TRABD2B: variants seen among roughly 807,000 people sequenced by gnomAD.
TRABD2B encodes the protein metalloprotease TIKI2.
Under a neutral mutation model 40.1 loss-of-function variants are expected in TRABD2B, and 14 were observed. The observed-to-expected ratio is 0.35, with a 90% CI of 0.23 to 0.55. The LOEUF (loss-of-function observed/expected upper bound fraction) is 0.55, where lower values mean the gene tolerates loss of function less well. Ranked by LOEUF, TRABD2B falls within the 20% of genes least tolerant of loss-of-function variation. The pLI, the probability that TRABD2B is intolerant of heterozygous loss-of-function variation, is 0.90. For missense variants in TRABD2B, 541 were observed against 648.6 expected (o/e 0.83, Z 1.80); for synonymous variants, 263 against 277.0 (o/e 0.95, Z 0.50).
At chr1:47,931,624 G>A (rs1041531705) in intron 2 of TRABD2B, among the ~76,000 whole-genome samples, 2 of 152,156 alleles carry the variant, frequency 1.3e-5, no homozygotes, top group Non-Finnish European at 2.9e-5. Flanking sequence ...CACGTGGGGA[G>A]GGCAAGTATC....
intron 2 of TRABD2B, among the ~76,000 whole-genome samples, chr1:47,974,170 G>C (rs2148428962): frequency 6.6e-6 from 1 of 152,210 alleles, no homozygotes; most frequent in Non-Finnish European, 1.5e-5. Flanking sequence ...TCCACTGTTG[G>C]AATAAAATCC....
rs1646095233 is a variant in TRABD2B, at chr1:47,996,568, C to T, written c.102+120G>A. The T allele has an allele frequency of 1.8e-6, 2 of 1,125,508 alleles. No homozygotes were observed. Among genetic ancestry groups the T allele is most frequent in the Non-Finnish European group, 2.2e-6 (2 of 906,636 alleles). The allele number at this position is 1,125,508 out of a possible 1,614,324, so 69.7% of individuals were successfully genotyped here. ...AAGGAAGGGCGCCCGAGGCTGCGCC[C>T]GGGGGGTGGAGGTGGAGCGGGCGGG... is the stretch of plus-strand genomic sequence containing the variant. On this transcript the variant is annotated intron_variant, in intron 1 of 6. Coordinates refer to ENST00000606738, the MANE Select transcript of TRABD2B (RefSeq NM_001194986.2). The surrounding 1 kb of genome is among the most constrained non-coding windows in gnomAD (Gnocchi z 4.6).
Position 47,905,037 on chromosome 1 carries a change from G to T in TRABD2B, c.666+88997C>A, listed in dbSNP as rs552394128. ...GTGGAGGAAACAAAGGTAGACACAG[G>T]CTGAGCCTGCTTTCAGGGAGCTCAT... On this transcript the variant is annotated intron_variant, in intron 2 of 6. Transcript: ENST00000606738. Among the ~76,000 whole-genome samples, 3 of 152,260 alleles carry T rather than the reference G, an allele frequency of 2.0e-5. No individual in the cohort carries two copies. The East Asian group carries it at 5.8e-4, about 30-fold the overall frequency.
chr1:47,930,337 T>C (rs1036286850), intron 2 of TRABD2B, among the ~76,000 whole-genome samples: 14 of 152,188 alleles, frequency 9.2e-5, no homozygotes, highest in Non-Finnish European at 1.9e-4. Flanking sequence ...AGCCTCTTCC[T>C]GAGGGGTGTT....
intron 3 of TRABD2B, 136 bp from the exon 4 acceptor site, chr1:47,794,896 T>C: frequency 1.3e-6 from 1 of 784,952 alleles, no homozygotes. Context: ...TCCTCCTGCC[T>C]CAGCCTCCCA....
At chr1:47,965,988 G>GC (rs1015979291) in intron 2 of TRABD2B, among the ~76,000 whole-genome samples, 2 of 152,092 alleles carry the variant, frequency 1.3e-5, no homozygotes, top group Non-Finnish European at 1.5e-5. Flanking sequence ...CAAACAAAAA[G>GC]CCCCAGCTGC....
intron 2 of TRABD2B, among the ~76,000 whole-genome samples, chr1:47,822,658 C>G (rs534913376): frequency 6.6e-6 from 1 of 152,342 alleles, no homozygotes; most frequent in East Asian, 1.9e-4. Context: ...TTGTTAATAA[C>G]TCTTTTAATC....
At chr1:47,792,909 G>A (rs980264489) in intron 4 of TRABD2B, among the ~76,000 whole-genome samples, 1 of 152,220 alleles carries the variant, frequency 6.6e-6, no homozygotes, top group Admixed American at 6.5e-5. Flanking sequence ...TCTACTGGGG[G>A]CTGTTCCAGA....
In TRABD2B at chr1:47,978,376, A is replaced by C. The variant is rs1005636937; in HGVS notation, c.666+15658T>G. Reference sequence around the variant, plus strand: ...CTAGCTTATGGTATTTCGTTATAGCAACATGAACAGACTAAGACAACTATC... The same window carrying C: ...CTAGCTTATGGTATTTCGTTATAGCCACATGAACAGACTAAGACAACTATC... On this transcript the variant is annotated intron_variant, in intron 2 of 6. Transcript: ENST00000606738. 5.3e-5 allele frequency among the ~76,000 whole-genome samples: 8 copies of C among 152,240 alleles called. No homozygotes were observed. In the East Asian group the frequency reaches 1.3e-3, roughly 26 times the overall value.
chr1:47,990,780 T>C (rs1282012468), intron 2 of TRABD2B, among the ~76,000 whole-genome samples: 5 of 4,846 alleles, frequency 1.0e-3, no homozygotes, highest in Admixed American at 2.0e-3. Context: ...TTTATATATA[T>C]ATATATATAT....
At chr1:47,957,651 T>C (rs191222236) in intron 2 of TRABD2B, among the ~76,000 whole-genome samples, 339 of 151,608 alleles carry the variant, frequency 2.2e-3, no homozygotes, top group Non-Finnish European at 3.3e-3. Flanking sequence ...AAGTGAGAAG[T>C]TTAGAGAAAA....
At chr1:47,961,554 A>G (rs918428263) in intron 2 of TRABD2B, among the ~76,000 whole-genome samples, 4 of 152,246 alleles carry the variant, frequency 2.6e-5, no homozygotes, top group Non-Finnish European at 5.9e-5. Context: ...TGGGCAAAGG[A>G]TATGAGCAGA....
chr1:47,789,290 C>T (rs1346340022), intron 4 of TRABD2B, among the ~76,000 whole-genome samples: 12 of 152,122 alleles, frequency 7.9e-5, no homozygotes, highest in African/African-American at 2.9e-4. Context: ...ATCTTACACC[C>T]GTGACTTGGC....
At chr1:47,865,275 G>A (rs538475246) in intron 2 of TRABD2B, among the ~76,000 whole-genome samples, 2 of 152,130 alleles carry the variant, frequency 1.3e-5, no homozygotes, top group East Asian at 3.9e-4. Context: ...AGGAAACAAG[G>A]CCTCGTTTCC....
intron 2 of TRABD2B, among the ~76,000 whole-genome samples, chr1:47,809,559 C>G (rs909609095): frequency 3.3e-5 from 5 of 152,310 alleles, no homozygotes; most frequent in Admixed American, 6.5e-5. Flanking sequence ...TCACAGGAAG[C>G]CTTCTCTGGC....
chr1:47,925,823 C>G (rs1418813427), intron 2 of TRABD2B, among the ~76,000 whole-genome samples: 2 of 152,190 alleles, frequency 1.3e-5, no homozygotes, highest in Non-Finnish European at 2.9e-5. Flanking sequence ...CTTACAGAGA[C>G]AAGAAAGAAA....
chr1:47,772,196 G>A (rs576437760), intron 6 of TRABD2B, among the ~76,000 whole-genome samples: 40 of 152,194 alleles, frequency 2.6e-4, no homozygotes, highest in African/African-American at 8.2e-4. Flanking sequence ...AACCTGCTGA[G>A]TCTGTTTCCT....
rs943578467 is a variant in TRABD2B at position 47,794,852 on chromosome 1, G to C, written c.814-92C>G. ...CTGTCACCCAGGTTGGAGTGCAGTG[G>C]CTCACTGCAGCCTCAACTCTCTGGC... On this transcript the variant is annotated intron_variant, in intron 3 of 6. Coordinates refer to ENST00000606738, the MANE Select transcript of TRABD2B (RefSeq NM_001194986.2). 28 of 1,207,122 alleles carry C rather than the reference G, an allele frequency of 2.3e-5. No individual in the cohort carries two copies. The African/African-American group carries it at 4.4e-4, about 19-fold the overall frequency. The allele number at this position is 1,207,122 out of a possible 1,614,324, so 74.8% of individuals were successfully genotyped here.
At chr1:47,889,882 T>C (rs1388043801) in intron 2 of TRABD2B, among the ~76,000 whole-genome samples, 1 of 152,234 alleles carries the variant, frequency 6.6e-6, no homozygotes, top group Non-Finnish European at 1.5e-5. Flanking sequence ...TGAGGCGCAG[T>C]GTAGATTACA....
Sources: allele counts gnomAD v4.1 joint callset (sites outside exome capture counted in the v4.1 genomes callset), GRCh38; gene constraint gnomAD v4.1.1; non-coding constraint Gnocchi (gnomAD v3.1); transcripts MANE v1.5; gene names NCBI Gene and HGNC (gene_info 2026-07-23, HGNC 2026-07-21).